Variants in EFL1 observed in about 807,000 individuals in gnomAD.
EFL1 encodes the protein elongation factor-like GTPase 1.
Under a neutral mutation model 126.7 loss-of-function variants are expected in EFL1, and 76 were observed. The observed-to-expected ratio is 0.60, with a 90% CI of 0.50 to 0.73. EFL1 has a LOEUF of 0.73. Among genes scored for constraint, EFL1 ranks in the 30% least tolerant of loss-of-function variants. EFL1 has a pLI of 0.00. For missense variants in EFL1, 1,128 were observed against 1,343.2 expected (o/e 0.84, Z 2.50); for synonymous variants, 410 against 448.4 (o/e 0.91, Z 1.08).
At chr15:82,192,843 AAAAGAAAGAAAG>A (rs34352552) in intron 15 of EFL1, among the ~76,000 whole-genome samples, 1 of 151,952 alleles carries the variant, frequency 6.6e-6, no homozygotes, top group African/African-American at 2.4e-5. Flanking sequence ...TTTTATTAAA[AAAAGAAAGAAAG>A]AAAGAAAGAA....
At chr15:82,223,225 A>G (rs2074729704) in intron 12 of EFL1, among the ~76,000 whole-genome samples, 1 of 150,538 alleles carries the variant, frequency 6.6e-6, no homozygotes, top group Non-Finnish European at 1.5e-5. Context: ...CCAACTTCCA[A>G]TGGTACATTT....
intron 15 of EFL1, among the ~76,000 whole-genome samples, chr15:82,165,299 A>AAC (rs2074067721): frequency 1.3e-5 from 2 of 152,218 alleles, no homozygotes; most frequent in East Asian, 1.9e-4. Flanking sequence ...GAGCGAGAGA[A>AAC]ACACACACAC....
chr15:82,261,181 C>T (rs1047326751), intron 2 of EFL1, among the ~76,000 whole-genome samples: 6 of 152,108 alleles, frequency 3.9e-5, no homozygotes, highest in African/African-American at 7.2e-5. Flanking sequence ...ACTTCCTAAT[C>T]CTCTAGTTCT....
At chr15:82,234,098 C>G (rs1366473331) in intron 7 of EFL1, among the ~76,000 whole-genome samples, 1 of 152,190 alleles carries the variant, frequency 6.6e-6, no homozygotes, top group Non-Finnish European at 1.5e-5. Context: ...ATCCATTCAA[C>G]TTTCTCCCTA....
intron 11 of EFL1, among the ~76,000 whole-genome samples, chr15:82,225,988 G>T (rs1471506682): frequency 6.6e-6 from 1 of 152,122 alleles, no homozygotes; most frequent in Non-Finnish European, 1.5e-5. Flanking sequence ...ACCACAGGAA[G>T]TAAGAATCAA....
rs79663610 is a variant in EFL1 at position 82,169,168 on chromosome 15, G to C, written c.1751-5184C>G. ...TAAAACAGTGGAAGAAATTCCATCT[G>C]GGGCTTGGAAACAGAGTAGAATGCC... On this transcript the variant is annotated intron_variant, in intron 15 of 19. Transcript: ENST00000268206. 9.8e-3 allele frequency among the ~76,000 whole-genome samples: 1,490 copies of C among 152,206 alleles called. 26 individuals carry two copies. The highest frequency in any genetic ancestry group is 0.028 in the African/African-American group (1,144 of 41,522).
chr15:82,152,498 A>G, intron 17 of EFL1, 75 bp from the exon 18 acceptor site: 5 of 1,237,268 alleles, frequency 4.0e-6, no homozygotes, highest in East Asian at 4.7e-5. Flanking sequence ...AGAAATTACT[A>G]CACAGTGGAG....
chr15:82,153,150 TGG>T (rs1483791557), intron 17 of EFL1, among the ~76,000 whole-genome samples: 1 of 152,218 alleles, frequency 6.6e-6, no homozygotes, highest in Non-Finnish European at 1.5e-5. Context: ...CAGCTGCATG[TGG>T]GTAGAAGCTA....
At chr15:82,196,528 T>C (rs759588788) in intron 15 of EFL1, among the ~76,000 whole-genome samples, 1 of 152,234 alleles carries the variant, frequency 6.6e-6, no homozygotes, top group African/African-American at 2.4e-5. Context: ...TTATAGCTAA[T>C]AAGCAATGGC....
intron 15 of EFL1, chr15:82,174,359 T>C (rs144332191): frequency 7.2e-5 from 11 of 152,232 alleles, no homozygotes; most frequent in African/African-American, 2.6e-4. Context: ...CTTTGTGATC[T>C]TGGTATCTCC....
chr15:82,180,272 A>G (rs2074235844), intron 15 of EFL1, among the ~76,000 whole-genome samples: 1 of 151,886 alleles, frequency 6.6e-6, no homozygotes, highest in African/African-American at 2.4e-5. Context: ...GGCATCTAGC[A>G]GATCCTCCAC....
intron 18 of EFL1, among the ~76,000 whole-genome samples, chr15:82,140,425 T>G (rs1303952275): frequency 6.6e-6 from 1 of 152,204 alleles, no homozygotes; most frequent in African/African-American, 2.4e-5. Flanking sequence ...ATCTTAGTAT[T>G]ATTCTCCTTA....
At chr15:82,167,503 A>G (rs2074091982) in intron 15 of EFL1, among the ~76,000 whole-genome samples, 1 of 152,220 alleles carries the variant, frequency 6.6e-6, no homozygotes, top group South Asian at 2.1e-4. Context: ...AGAAAGAAAT[A>G]TTAAGGAGAG....
At chr15:82,218,832 AAG>A (rs573802540) in intron 14 of EFL1, among the ~76,000 whole-genome samples, 13 of 152,294 alleles carry the variant, frequency 8.5e-5, no homozygotes, top group Admixed American at 3.9e-4. Context: ...ATTCAAGGCA[AAG>A]AAAAACTGAT....
intron 16 of EFL1, among the ~76,000 whole-genome samples, chr15:82,162,487 G>T (rs533314636): frequency 6.6e-6 from 1 of 152,134 alleles, no homozygotes. Flanking sequence ...GATTGAACAC[G>T]GTAGACAGGG....
intron 15 of EFL1, among the ~76,000 whole-genome samples, chr15:82,183,855 G>C (rs1235755248): frequency 6.6e-6 from 1 of 152,190 alleles, no homozygotes; most frequent in African/African-American, 2.4e-5. Context: ...AGTCTGCCTA[G>C]AACAATATCA....
intron 10 of EFL1, 128 bp from the exon 11 acceptor site, chr15:82,227,700 A>T (rs2074779326): frequency 7.8e-7 from 1 of 1,277,484 alleles, no homozygotes; most frequent in East Asian, 2.4e-5. Flanking sequence ...GCTACAAGGC[A>T]ACACTGCTTT....
At chr15:82,220,874 A>C (rs1168898992) in intron 12 of EFL1, among the ~76,000 whole-genome samples, 4 of 152,178 alleles carry the variant, frequency 2.6e-5, no homozygotes, top group African/African-American at 9.7e-5. Context: ...TAATACTAAA[A>C]AGGTGTTGAC....
intron 17 of EFL1, among the ~76,000 whole-genome samples, chr15:82,155,625 C>A (rs1357979351): frequency 1.3e-5 from 2 of 152,192 alleles, no homozygotes; most frequent in Admixed American, 1.3e-4. Context: ...ACAGGAAGTG[C>A]CTATCTCCCA....
Sources: gnomAD v4.1 joint callset for allele counts (sites outside exome capture counted in the v4.1 genomes callset) on GRCh38, gnomAD v4.1.1 for gene constraint, MANE v1.5 for transcripts, NCBI Gene and HGNC (gene_info 2026-07-23, HGNC 2026-07-21) for gene names.